Variants in FBXO36 observed in about 807,000 individuals in gnomAD.
The protein encoded by FBXO36 is F-box only protein 36.
FBXO36 carries 18 observed loss-of-function variants against 17.0 expected under a neutral mutation model. That is an observed-to-expected ratio of 1.06 (90% CI 0.73 to 1.57). FBXO36 has a LOEUF of 1.57. Ranked by LOEUF, FBXO36 falls within the 40% of genes most tolerant of loss-of-function variation. FBXO36 has a pLI of 0.00. For missense variants in FBXO36, 229 were observed against 221.9 expected, an observed-to-expected ratio of 1.03 and a Z score of -0.20; for synonymous variants, 83 against 85.3, an observed-to-expected ratio of 0.97 and a Z score of 0.15.
chr2:229,999,188 A>G (rs1427486508), intron 3 of FBXO36, among the ~76,000 whole-genome samples: 2 of 143,238 alleles, frequency 1.4e-5, no homozygotes, highest in African/African-American at 5.2e-5. Context: ...GTGCAATGGC[A>G]TGATCTCCGC....
At chr2:229,938,346 C>G (rs1405370125) in intron 1 of FBXO36, among the ~76,000 whole-genome samples, 1 of 146,526 alleles carries the variant, frequency 6.8e-6, no homozygotes, top group Non-Finnish European at 1.5e-5. Context: ...CTCAGCCTCC[C>G]GAGTAGCTGG....
intron 1 of FBXO36, among the ~76,000 whole-genome samples, chr2:229,964,467 C>A (rs1330630940): frequency 6.6e-6 from 1 of 152,162 alleles, no homozygotes; most frequent in Non-Finnish European, 1.5e-5. Flanking sequence ...TGGCTTCTTT[C>A]ACTTATCTTA....
intron 1 of FBXO36, among the ~76,000 whole-genome samples, chr2:229,944,498 TACCCAAAAG>T (rs2077015840): frequency 6.6e-6 from 1 of 152,134 alleles, no homozygotes; most frequent in Non-Finnish European, 1.5e-5. Flanking sequence ...CTTTTATTAG[TACCCAAAAG>T]TGTAGACTTT....
At chr2:229,943,430 C>T (rs1224983182) in intron 1 of FBXO36, among the ~76,000 whole-genome samples, 2 of 152,170 alleles carry the variant, frequency 1.3e-5, no homozygotes, top group East Asian at 3.8e-4. Flanking sequence ...GTGCTCAAGT[C>T]AGCCCTTGAA....
At chr2:229,929,002 T>C (rs2076925908) in intron 1 of FBXO36, among the ~76,000 whole-genome samples, 1 of 148,388 alleles carries the variant, frequency 6.7e-6, no homozygotes, top group Non-Finnish European at 1.5e-5. Context: ...TGAGACAGAG[T>C]CTTGCTCTGT....
rs549034611 is a variant in FBXO36, at chr2:229,968,862, C to A, written c.97-7379C>A. Among the ~76,000 whole-genome samples the A allele has an allele frequency of 3.3e-5, 5 of 152,088 alleles. No individual in the cohort carries two copies. In the South Asian group the frequency reaches 1.0e-3, roughly 32 times the overall value. ...AATCTCCACTGAGTGCAACCACTGACTCCCAGGTTCAAGTGATTCTTATGC... is the reference window on the plus strand; with the variant it reads ...AATCTCCACTGAGTGCAACCACTGAATCCCAGGTTCAAGTGATTCTTATGC... On this transcript the variant is annotated intron_variant, in intron 1 of 3. Coordinates refer to ENST00000283946, the MANE Select transcript of FBXO36 (RefSeq NM_174899.5).
chr2:229,951,411 G>T (rs1375303299), intron 1 of FBXO36, among the ~76,000 whole-genome samples: 1 of 151,812 alleles, frequency 6.6e-6, no homozygotes, highest in Non-Finnish European at 1.5e-5. Context: ...GCCTGGCTAA[G>T]TTTTGTATTT....
chr2:230,010,580 G>A, intron 3 of FBXO36, 116 bp from the exon 4 acceptor site: 1 of 892,792 alleles, frequency 1.1e-6, no homozygotes, highest in East Asian at 2.7e-5. Flanking sequence ...GTTTCTCAAG[G>A]CAGGACCTGT....
chr2:229,980,777 T>G (rs1268881084), intron 2 of FBXO36, among the ~76,000 whole-genome samples: 2 of 151,632 alleles, frequency 1.3e-5, no homozygotes, highest in African/African-American at 4.8e-5. Context: ...AGCAGGAGAG[T>G]TGAGGGATTC....
intron 3 of FBXO36, among the ~76,000 whole-genome samples, chr2:229,999,571 T>A (rs1028799339): frequency 2.0e-5 from 3 of 150,610 alleles, no homozygotes; most frequent in African/African-American, 7.3e-5. Context: ...AGAGGTGGGA[T>A]TTCATTGTGT....
In FBXO36 at chr2:230,012,651, C is replaced by G. The variant is rs557565686; in HGVS notation, c.*1767C>G. On this transcript the variant is annotated 3_prime_UTR_variant, in exon 4 of 4. Transcript: ENST00000283946. ...CTCTGCAGAGCTCTAGCTGCCTTGGCTCTCCCTGAGCTCCCAGACTTCACT... is the reference window on the plus strand; with the variant it reads ...CTCTGCAGAGCTCTAGCTGCCTTGGGTCTCCCTGAGCTCCCAGACTTCACT... The G allele has an allele frequency of 6.6e-6, 1 of 151,900 alleles. No individual in the cohort carries two copies. Among genetic ancestry groups the G allele is most frequent in the Non-Finnish European group, 1.5e-5 (1 of 67,914 alleles). 9.4% of individuals were successfully genotyped at this position (151,900 alleles called of 1,614,324 possible).
intron 1 of FBXO36, among the ~76,000 whole-genome samples, chr2:229,968,614 T>C (rs775451444): frequency 2.2e-4 from 34 of 152,034 alleles, no homozygotes; most frequent in Non-Finnish European, 4.1e-4. Context: ...ACTACAGGCG[T>C]GTGCTACCAT....
intron 1 of FBXO36, among the ~76,000 whole-genome samples, chr2:229,924,689 C>CT (rs1445462654): frequency 6.6e-6 from 1 of 151,816 alleles, no homozygotes; most frequent in Non-Finnish European, 1.5e-5. Flanking sequence ...ATTCGGCTTC[C>CT]TAAAGAATAA....
chr2:229,971,084 C>T (rs1335007898), intron 1 of FBXO36, among the ~76,000 whole-genome samples: 1 of 152,040 alleles, frequency 6.6e-6, no homozygotes, highest in Non-Finnish European at 1.5e-5. Context: ...CCAGGTGAGG[C>T]GGCTCACGCC....
chr2:229,949,181 C>T (rs556783047), intron 1 of FBXO36, among the ~76,000 whole-genome samples: 39 of 152,268 alleles, frequency 2.6e-4, no homozygotes, highest in Middle Eastern at 3.4e-3. Context: ...ATAAGCCACC[C>T]TTTTGGATGT....
At chr2:229,991,294 C>T (rs2077296675) in intron 2 of FBXO36, among the ~76,000 whole-genome samples, 1 of 152,098 alleles carries the variant, frequency 6.6e-6, no homozygotes, top group Non-Finnish European at 1.5e-5. Flanking sequence ...CCAAATGTTT[C>T]CCAGGATTAT....
chr2:229,969,119 T>G (rs2077168149), intron 1 of FBXO36, among the ~76,000 whole-genome samples: 2 of 152,112 alleles, frequency 1.3e-5, no homozygotes, highest in Admixed American at 1.3e-4. Flanking sequence ...GTTAAGCATT[T>G]CAGTCTATAA....
chr2:229,999,273 CCCA>C (rs1253013989), intron 3 of FBXO36, among the ~76,000 whole-genome samples: 1 of 150,968 alleles, frequency 6.6e-6, no homozygotes, highest in African/African-American at 2.4e-5. Context: ...ATTACAGGCA[CCCA>C]CCATCATGCC....
chr2:229,967,014 G>A (rs972089493), intron 1 of FBXO36, among the ~76,000 whole-genome samples: 10 of 152,168 alleles, frequency 6.6e-5, no homozygotes, highest in Non-Finnish European at 1.5e-4. Context: ...CATGAGCATG[G>A]AATGTTCTTC....
Sources: allele counts gnomAD v4.1 joint callset (sites outside exome capture counted in the v4.1 genomes callset), GRCh38; gene constraint gnomAD v4.1.1; transcripts MANE v1.5; gene names NCBI Gene and HGNC (gene_info 2026-07-23, HGNC 2026-07-21).